Variants in GRIK1 observed in about 807,000 individuals in gnomAD.
GRIK1 encodes the protein glutamate receptor ionotropic, kainate 1.
Under a neutral mutation model 105.7 loss-of-function variants are expected in GRIK1, and 69 were observed. That is an observed-to-expected ratio of 0.65 (90% CI 0.54 to 0.80). GRIK1 has a LOEUF of 0.80. GRIK1 is among the 30% of genes least tolerant of loss of function. GRIK1 has a pLI of 0.00. For synonymous variants in GRIK1, 438 were observed against 431.3 expected, an observed-to-expected ratio of 1.02 and a Z score of -0.19; for missense variants, 1,109 against 1,167.3, an observed-to-expected ratio of 0.95 and a Z score of 0.73.
In GRIK1 at chr21:29,560,492, T is replaced by G. The variant is rs60085960; in HGVS notation, c.2356+1132A>C. 4.3e-5 allele frequency among the ~76,000 whole-genome samples: 2 copies of G among 45,986 alleles called. 1 individual carries two copies. Among genetic ancestry groups the G allele is most frequent in the Admixed American group, 5.0e-4 (2 of 4,006 alleles). The allele number at this position is 45,986 out of a possible 152,430, so 30.2% of individuals were successfully genotyped here. On this transcript the variant is annotated intron_variant, in intron 15 of 17. Transcript: ENST00000327783. ...TCCTTTCTCTCTCTCCCTTTCTTTC[T>G]TTCTTTCCTTCCTTCCTTCCTTCCT... is the stretch of plus-strand genomic sequence containing the variant.
intron 1 of GRIK1, among the ~76,000 whole-genome samples, chr21:29,737,835 C>T (rs2064831205): frequency 6.6e-6 from 1 of 152,252 alleles, no homozygotes; most frequent in South Asian, 2.1e-4. Flanking sequence ...CAGATGCGAT[C>T]ACCATCTGAG....
chr21:29,680,736 T>C (rs749688141), intron 3 of GRIK1, among the ~76,000 whole-genome samples: 1 of 152,264 alleles, frequency 6.6e-6, no homozygotes, highest in Non-Finnish European at 1.5e-5. Flanking sequence ...TTGTTGTTAG[T>C]CTCTTACTGT....
At chr21:29,892,217 A>C (rs772418149) in intron 1 of GRIK1, among the ~76,000 whole-genome samples, 1 of 152,174 alleles carries the variant, frequency 6.6e-6, no homozygotes, top group Non-Finnish European at 1.5e-5. Flanking sequence ...TAGAAATACC[A>C]AAGTCTGGAG....
intron 7 of GRIK1, among the ~76,000 whole-genome samples, chr21:29,600,488 A>C (rs1001158970): frequency 3.9e-5 from 6 of 152,362 alleles, no homozygotes; most frequent in South Asian, 2.1e-4. Context: ...AAATAGGGAT[A>C]AAGGAAAACT....
chr21:29,835,821 G>C (rs573561946), intron 1 of GRIK1, among the ~76,000 whole-genome samples: 2 of 151,878 alleles, frequency 1.3e-5, no homozygotes, highest in Non-Finnish European at 2.9e-5. Context: ...TCATTTTGTC[G>C]TTGCTTTATA....
intron 6 of GRIK1, among the ~76,000 whole-genome samples, chr21:29,648,290 A>G (rs761129213): frequency 6.6e-6 from 1 of 152,218 alleles, no homozygotes; most frequent in Non-Finnish European, 1.5e-5. Flanking sequence ...AGAGAATTCA[A>G]TTCTATTATA....
chr21:29,750,764 T>C (rs562306055), intron 1 of GRIK1, among the ~76,000 whole-genome samples: 108 of 152,240 alleles, frequency 7.1e-4, no homozygotes, highest in Non-Finnish European at 1.3e-3. Flanking sequence ...TACTGATATA[T>C]CAAATAAGAG....
rs1421976976 is a variant in GRIK1 at position 29,647,952 on chromosome 21, TTTAA to T, written c.954+3162_954+3165del. On this transcript the variant is annotated intron_variant, in intron 6 of 17. Coordinates refer to ENST00000327783, the MANE Select transcript of GRIK1 (RefSeq NM_001330994.2). The stretch of plus-strand genomic sequence containing the variant: ...CTAATTTTTAAACTAAATTTTTTTC[TTTAA>T]TTAATTCTATTGTTCTTAAGTCTGG... Among the ~76,000 whole-genome samples the T allele has an allele frequency of 3.9e-5, 6 of 152,340 alleles. No individual in the cohort carries two copies. The East Asian group carries it at 9.6e-4, about 24-fold the overall frequency.
intron 6 of GRIK1, among the ~76,000 whole-genome samples, chr21:29,644,455 T>G (rs945274937): frequency 2.0e-5 from 3 of 152,234 alleles, no homozygotes; most frequent in South Asian, 2.1e-4. Context: ...TGACATTTAT[T>G]TTTGTGAGAA....
intron 1 of GRIK1, among the ~76,000 whole-genome samples, chr21:29,761,867 C>T (rs1362193075): frequency 3.3e-5 from 5 of 152,056 alleles, no homozygotes; most frequent in African/African-American, 1.2e-4. Context: ...CTGCCTCAGC[C>T]TCCTGAGTAG....
At chr21:29,814,215 T>G (rs1043027868) in intron 1 of GRIK1, among the ~76,000 whole-genome samples, 4 of 151,628 alleles carry the variant, frequency 2.6e-5, no homozygotes, top group Non-Finnish European at 5.9e-5. Flanking sequence ...CCTCCCAAAG[T>G]GCTGGGATTA....
At chr21:29,672,934 A>G (rs760823085) in intron 4 of GRIK1, 49 bp downstream of exon 4, 14 of 1,385,500 alleles carry the variant, frequency 1.0e-5, no homozygotes, top group Middle Eastern at 1.9e-4. Context: ...TTTGAAAAAT[A>G]GAAAATAACA....
intron 6 of GRIK1, among the ~76,000 whole-genome samples, chr21:29,643,660 A>C (rs150999347): frequency 6.6e-6 from 1 of 152,200 alleles, no homozygotes; most frequent in Non-Finnish European, 1.5e-5. Flanking sequence ...TCCCTTCCTC[A>C]TGAAATTCCT....
At chr21:29,686,598 A>T (rs961592753) in intron 3 of GRIK1, among the ~76,000 whole-genome samples, 1 of 152,224 alleles carries the variant, frequency 6.6e-6, no homozygotes, top group African/African-American at 2.4e-5. Flanking sequence ...TATTTTTGCA[A>T]ATAAAGGTTT....
At chr21:29,885,776 A>G (rs992623528) in intron 1 of GRIK1, among the ~76,000 whole-genome samples, 2 of 152,144 alleles carry the variant, frequency 1.3e-5, no homozygotes, top group African/African-American at 4.8e-5. Context: ...TCCATAAACC[A>G]TCAAAAGCAT....
At chr21:29,547,890 C>T (rs1476367847) in intron 16 of GRIK1, among the ~76,000 whole-genome samples, 2 of 152,156 alleles carry the variant, frequency 1.3e-5, no homozygotes, top group African/African-American at 2.4e-5. Context: ...TGCCAAGGAA[C>T]ACCGAGGAAA....
At chr21:29,777,614 C>T (rs1391166791) in intron 1 of GRIK1, among the ~76,000 whole-genome samples, 1 of 152,104 alleles carries the variant, frequency 6.6e-6, no homozygotes, top group African/African-American at 2.4e-5. Context: ...GGTGAGGTGG[C>T]AAGCAGGGAA....
intron 12 of GRIK1, among the ~76,000 whole-genome samples, chr21:29,587,042 TGG>T (rs574308666): frequency 1.9e-3 from 287 of 152,328 alleles, no homozygotes; most frequent in African/African-American, 6.4e-3. Context: ...ACAATTCCTA[TGG>T]AAACATTTTA....
chr21:29,682,507 T>C (rs2063400129), intron 3 of GRIK1, among the ~76,000 whole-genome samples: 1 of 152,166 alleles, frequency 6.6e-6, no homozygotes, highest in Non-Finnish European at 1.5e-5. Flanking sequence ...CTTAATGGTG[T>C]CTATAATAAG....
Sources: allele counts gnomAD v4.1 joint callset (sites outside exome capture counted in the v4.1 genomes callset), GRCh38; gene constraint gnomAD v4.1.1; transcripts MANE v1.5; gene names NCBI Gene and HGNC (gene_info 2026-07-23, HGNC 2026-07-21).